Variants in CPM observed in about 807,000 individuals in gnomAD.
CPM encodes carboxypeptidase M, also known as renal carboxypeptidase.
A neutral mutation model predicts 46.4 loss-of-function variants in CPM; 35 were observed. The observed-to-expected ratio is 0.75, with a 90% CI of 0.58 to 1.00. The LOEUF is 1.00. Ranked by LOEUF, CPM falls within the 50% of genes least tolerant of loss-of-function variation. The probability of loss-of-function intolerance (pLI) is 0.00; values close to 1 mark genes in which losing one functional copy is unlikely to be tolerated. For missense variants in CPM, 422 were observed against 530.4 expected, an observed-to-expected ratio of 0.80 and a Z score of 2.01; for synonymous variants, 195 against 195.3, an observed-to-expected ratio of 1.00 and a Z score of 0.01.
chr12:68,925,015 A>G (rs578102453), intron 2 of CPM, among the ~76,000 whole-genome samples: 29 of 152,310 alleles, frequency 1.9e-4, no homozygotes, highest in African/African-American at 5.8e-4. Flanking sequence ...AATGATGGGA[A>G]GGTGAGAGTT....
chr12:68,932,412 C>T (rs929713000), intron 2 of CPM, among the ~76,000 whole-genome samples: 4 of 152,184 alleles, frequency 2.6e-5, no homozygotes, highest in African/African-American at 9.7e-5. Context: ...CCAATGTCTG[C>T]AAGATCCAAA....
chr12:68,893,516 CA>C (rs1241701242), intron 2 of CPM, among the ~76,000 whole-genome samples: 1 of 152,160 alleles, frequency 6.6e-6, no homozygotes, highest in Non-Finnish European at 1.5e-5. Context: ...TCAGGTGTCC[CA>C]GGGGTCTTGT....
At chr12:68,884,231 A>G (rs1366082655) in intron 3 of CPM, among the ~76,000 whole-genome samples, 4 of 151,392 alleles carry the variant, frequency 2.6e-5, no homozygotes, top group Admixed American at 6.6e-5. Context: ...CAGTTGTTTT[A>G]TTAAAACTAA....
chr12:68,875,526 C>T (rs1037339957), intron 3 of CPM, among the ~76,000 whole-genome samples: 4 of 151,980 alleles, frequency 2.6e-5, no homozygotes, highest in Non-Finnish European at 4.4e-5. Flanking sequence ...GATCATCAAG[C>T]TGGGCGCGGT....
downstream of CPM, chr12:68,850,079 A>G (rs2589283): frequency 0.99 from 150,892 of 152,272 alleles, 74,763 homozygotes; most frequent in East Asian, 1. Context: ...GAGGCCAGGA[A>G]TTCAAGACCA....
intron 2 of CPM, among the ~76,000 whole-genome samples, chr12:68,927,279 C>A (rs1466691426): frequency 4.0e-5 from 6 of 151,202 alleles, no homozygotes; most frequent in South Asian, 2.1e-4. Context: ...GATGGTATCT[C>A]ATTGTGGTTT....
intron 8 of CPM, among the ~76,000 whole-genome samples, chr12:68,857,503 C>T (rs1352914410): frequency 1.3e-5 from 2 of 152,010 alleles, no homozygotes; most frequent in Non-Finnish European, 2.9e-5. Context: ...TTGTTCATAT[C>T]AGCCTGAATC....
intron 2 of CPM, among the ~76,000 whole-genome samples, chr12:68,899,351 C>T (rs1036186837): frequency 2.0e-5 from 3 of 152,242 alleles, no homozygotes; most frequent in African/African-American, 7.2e-5. Flanking sequence ...TGGGAAGCCG[C>T]ATGTTGCCAT....
chr12:68,948,601 C>G (rs1271142800), intron 1 of CPM, among the ~76,000 whole-genome samples: 1 of 152,078 alleles, frequency 6.6e-6, no homozygotes, highest in Admixed American at 6.6e-5. Flanking sequence ...GTTTTAAAAT[C>G]CAAGTTAGCG....
intron 2 of CPM, among the ~76,000 whole-genome samples, chr12:68,895,346 TAAGACAGGCAATGATTGGATAG>T (rs1176917299): frequency 6.6e-6 from 1 of 152,140 alleles, no homozygotes; most frequent in East Asian, 1.9e-4. Context: ...CCCTCTGACA[TAAGACAGGCAATGATTGGATAG>T]AGGGTGCTCT....
At position 68,932,782 on chromosome 12, in the gene CPM, T is replaced by C. The variant is rs775211362; in HGVS notation, c.56A>G (p.Asp19Gly). ...GLLLPLVAAL[D>G]FNYHRQEGME... ...CCCTTCCTGGCGGTGGTAGTTGAAATCCAGCGCAGCTACCAAAGGCAGCAA... is the reference window on the plus strand; with the variant it reads ...CCCTTCCTGGCGGTGGTAGTTGAAACCCAGCGCAGCTACCAAAGGCAGCAA... Residue 19 changes from aspartate (D) to glycine (G), a missense_variant, in exon 2 of 9, where the codon GAT becomes GGT. Coordinates refer to ENST00000551568, the MANE Select transcript of CPM (RefSeq NM_198320.5). 1 of 1,614,078 alleles carries C rather than the reference T, an allele frequency of 6.2e-7. No homozygotes were observed. Among genetic ancestry groups the C allele is most frequent in the Non-Finnish European group, 8.5e-7 (1 of 1,179,994 alleles).
intron 2 of CPM, among the ~76,000 whole-genome samples, chr12:68,916,367 T>C (rs747170811): frequency 1.2e-4 from 18 of 152,202 alleles, no homozygotes; most frequent in Non-Finnish European, 1.5e-5. Flanking sequence ...CATTGAAACA[T>C]TTCTAATAAG....
chr12:68,847,723 G>T (rs1192811173), downstream of CPM: 2 of 152,090 alleles, frequency 1.3e-5, no homozygotes, highest in African/African-American at 4.8e-5. Context: ...AAAGTGCTGG[G>T]ATTACAGGCG....
intron 2 of CPM, chr12:68,911,886 T>A (rs1887609617): frequency 6.6e-6 from 1 of 152,196 alleles, no homozygotes; most frequent in South Asian, 2.1e-4. Flanking sequence ...TTCTTCGGGC[T>A]CTGTGTTCTC....
intron 2 of CPM, among the ~76,000 whole-genome samples, chr12:68,904,729 C>T (rs991097318): frequency 6.6e-6 from 1 of 152,084 alleles, no homozygotes; most frequent in Non-Finnish European, 1.5e-5. Context: ...AACAGAGACC[C>T]GTGAGAAAGC....
At chr12:68,944,654 C>G (rs760938828) in intron 1 of CPM, among the ~76,000 whole-genome samples, 21 of 152,156 alleles carry the variant, frequency 1.4e-4, no homozygotes, top group Middle Eastern at 6.8e-3. Context: ...CCCAGCTCAG[C>G]CTCCCAAAAT....
In CPM at chr12:68,856,140, TGC is replaced by T; in HGVS notation, c.*295_*296del. On this transcript the variant is annotated 3_prime_UTR_variant, in exon 9 of 9. Coordinates refer to ENST00000551568, the MANE Select transcript of CPM (RefSeq NM_198320.5). ...GATCTTCTTTTTGCAGGCATTTTTT[TGC>T]TTCTCAAGTTTTAACTTCTTACACA... is the stretch of plus-strand genomic sequence containing the variant. 3 of 331,396 alleles carry T rather than the reference TGC, an allele frequency of 9.1e-6. No individual in the cohort carries two copies. The highest frequency in any genetic ancestry group is 2.1e-5 in the African/African-American group (1 of 48,380). The allele number at this position is 331,396 out of a possible 1,614,324, so 20.5% of individuals were successfully genotyped here. A position where few individuals can be genotyped will look rare whatever the true frequency, so the allele number is the denominator to read the frequency against.
chr12:68,901,506 T>A (rs1188472624), intron 2 of CPM, among the ~76,000 whole-genome samples: 1 of 152,240 alleles, frequency 6.6e-6, no homozygotes, highest in East Asian at 1.9e-4. Context: ...GTCAAGCACA[T>A]TAGCTTTATT....
intron 2 of CPM, among the ~76,000 whole-genome samples, chr12:68,895,110 C>T (rs1886816351): frequency 6.6e-6 from 1 of 151,952 alleles, no homozygotes; most frequent in Admixed American, 6.6e-5. Context: ...TTTTGCTCCC[C>T]TGCTGTGTCT....
Sources: gnomAD v4.1 joint callset for allele counts (sites outside exome capture counted in the v4.1 genomes callset) on GRCh38, gnomAD v4.1.1 for gene constraint, MANE v1.5 for transcripts, NCBI Gene and HGNC (gene_info 2026-07-23, HGNC 2026-07-21) for gene names.